SLIT2: variants seen among roughly 807,000 people sequenced by gnomAD.
SLIT2 encodes slit guidance ligand 2.
In SLIT2, 41 loss-of-function variants were observed where a neutral mutation model predicts 185.7. That is an observed-to-expected ratio of 0.22 (90% CI 0.17 to 0.29). The LOEUF is 0.29. Ranked by LOEUF, SLIT2 falls within the 10% of genes least tolerant of loss-of-function variation. The pLI is 1.00. For missense variants in SLIT2, 1,571 were observed against 1,909.0 expected (o/e 0.82, Z 3.30); for synonymous variants, 693 against 680.2 (o/e 1.02, Z -0.29).
At chr4:20,581,304 CT>C (rs1440975773) in intron 29 of SLIT2, among the ~76,000 whole-genome samples, 1 of 152,142 alleles carries the variant, frequency 6.6e-6, no homozygotes, top group East Asian at 1.9e-4. Flanking sequence ...GGATTAGGGC[CT>C]ATCCTAATGA....
chr4:20,403,682 T>C (rs1332652829), intron 4 of SLIT2, among the ~76,000 whole-genome samples: 2 of 151,986 alleles, frequency 1.3e-5, no homozygotes, highest in African/African-American at 4.8e-5. Context: ...AAGGAATGAC[T>C]CTATTAGGCA....
At chr4:20,346,909 C>T (rs1415495892) in intron 4 of SLIT2, among the ~76,000 whole-genome samples, 1 of 152,164 alleles carries the variant, frequency 6.6e-6, no homozygotes, top group Non-Finnish European at 1.5e-5. Flanking sequence ...CCTAGCCAAG[C>T]TGGCCCCTGA....
intron 28 of SLIT2, among the ~76,000 whole-genome samples, chr4:20,568,184 T>C (rs945088549): frequency 6.6e-6 from 1 of 152,106 alleles, no homozygotes; most frequent in Admixed American, 6.6e-5. Context: ...TAATGTCACA[T>C]AAGAATGCTA....
At chr4:20,294,340 C>T (rs1716261708) in intron 4 of SLIT2, among the ~76,000 whole-genome samples, 1 of 143,466 alleles carries the variant, frequency 7.0e-6, no homozygotes, top group Non-Finnish European at 1.5e-5. Flanking sequence ...CAGAGTGAGA[C>T]TCTGTCTCAA....
chr4:20,370,327 C>A (rs1017934600), intron 4 of SLIT2, among the ~76,000 whole-genome samples: 4 of 151,988 alleles, frequency 2.6e-5, no homozygotes, highest in African/African-American at 9.7e-5. Flanking sequence ...TATCTTTTTC[C>A]TTGTCTTTCT....
chr4:20,523,562 C>G (rs1040784829), intron 12 of SLIT2, among the ~76,000 whole-genome samples, 198 bp from the exon 13 acceptor site: 5 of 152,148 alleles, frequency 3.3e-5, no homozygotes, highest in African/African-American at 1.2e-4. Flanking sequence ...GATTTAGGTT[C>G]ATTTGATCAC....
chr4:20,567,534 T>C lies in SLIT2; in HGVS notation c.2867T>C (p.Val956Ala). The part of the protein sequence containing the change: ...PYGFKGQDCD[V>A]PIHACISNPC... ...CTTCTCCAGGGGCAGGACTGTGATG[T>C]CCCAATTCATGCCTGCATCAGTAAC... The change falls in exon 28 of 37, where the codon GTC becomes GCC. Residue 956 changes from valine to alanine, a missense_variant. By Grantham distance (64) the Val-to-Ala change is moderately conservative (BLOSUM62 0). This residue lies in a region of SLIT2 where 1,202 missense variants were observed against 1,416.4 expected (regional missense o/e 0.85). Coordinates refer to ENST00000504154, the MANE Select transcript of SLIT2 (RefSeq NM_004787.4). The C allele has an allele frequency of 6.2e-7, 1 of 1,613,260 alleles. No homozygotes were observed. Among genetic ancestry groups the C allele is most frequent in the Non-Finnish European group, 8.5e-7 (1 of 1,179,444 alleles).
intron 16 of SLIT2, among the ~76,000 whole-genome samples, chr4:20,530,864 G>A (rs1407672239): frequency 1.3e-5 from 2 of 151,116 alleles, no homozygotes; most frequent in Non-Finnish European, 2.9e-5. Flanking sequence ...ATATACAAAT[G>A]TCCAATAAAC....
chr4:20,605,711 ATATTT>A (rs376845737), intron 33 of SLIT2, among the ~76,000 whole-genome samples: 2,794 of 131,832 alleles, frequency 0.021, 72 homozygotes, highest in African/African-American at 0.07. Flanking sequence ...ATTTTATTTT[ATATTT>A]TATTTTATTT....
chr4:20,313,972 C>G (rs1029935232), intron 4 of SLIT2, among the ~76,000 whole-genome samples: 1 of 152,132 alleles, frequency 6.6e-6, no homozygotes, highest in Non-Finnish European at 1.5e-5. Flanking sequence ...TTTAAGGTTA[C>G]AAAGATAAAT....
At chr4:20,505,537 G>A (rs1261097862) in intron 9 of SLIT2, among the ~76,000 whole-genome samples, 1 of 152,028 alleles carries the variant, frequency 6.6e-6, no homozygotes, top group Non-Finnish European at 1.5e-5. Flanking sequence ...TGCTAATACT[G>A]TTTAATATCT....
At chr4:20,429,941 A>G (rs1158802624) in intron 4 of SLIT2, among the ~76,000 whole-genome samples, 1 of 152,216 alleles carries the variant, frequency 6.6e-6, no homozygotes. Flanking sequence ...TCAATCTATG[A>G]TGTTCTAAAT....
At chr4:20,466,023 C>A (rs191300108) in intron 4 of SLIT2, among the ~76,000 whole-genome samples, 2 of 150,914 alleles carry the variant, frequency 1.3e-5, no homozygotes, top group African/African-American at 4.9e-5. Context: ...ATGGAATTGG[C>A]GAAGACAGAA....
intron 29 of SLIT2, among the ~76,000 whole-genome samples, chr4:20,586,683 A>C (rs1486283100): frequency 2.0e-5 from 3 of 152,248 alleles, no homozygotes; most frequent in Non-Finnish European, 4.4e-5. Context: ...AAACAAATAT[A>C]TACCATGTAT....
intron 4 of SLIT2, among the ~76,000 whole-genome samples, chr4:20,360,370 A>G (rs2109291219): frequency 6.6e-6 from 1 of 152,270 alleles, no homozygotes; most frequent in South Asian, 2.1e-4. Flanking sequence ...GAACTTCTAA[A>G]TGGTTTCATG....
At position 20,315,650 on chromosome 4, in the gene SLIT2, A is replaced by G. The variant is rs79108342; in HGVS notation, c.395+46769A>G. Among the ~76,000 whole-genome samples, 590 of 152,202 alleles carry G rather than the reference A, an allele frequency of 3.9e-3. 5 individuals carry two copies. The highest frequency in any genetic ancestry group is 0.029 in the East Asian group (151 of 5,182). On this transcript the variant is annotated intron_variant, in intron 4 of 36. Transcript: ENST00000504154. ...ATAAAATTATCAGAAAGGAAAAAAC[A>G]TAAGAAAGTTAAAATTTCAAGCTGT... is the stretch of plus-strand genomic sequence containing the variant.
At chr4:20,365,875 T>C (rs1359331929) in intron 4 of SLIT2, among the ~76,000 whole-genome samples, 1 of 152,184 alleles carries the variant, frequency 6.6e-6, no homozygotes, top group Non-Finnish European at 1.5e-5. Flanking sequence ...TGGGATATCA[T>C]TTTTAACCTT....
intron 30 of SLIT2, among the ~76,000 whole-genome samples, chr4:20,592,367 A>G (rs911325742): frequency 6.6e-6 from 1 of 152,146 alleles, no homozygotes; most frequent in Non-Finnish European, 1.5e-5. Context: ...AGTGTATTTT[A>G]TATTCTTTGC....
chr4:20,598,505 G>T, intron 33 of SLIT2, 110 bp downstream of exon 33: 1 of 1,276,016 alleles, frequency 7.8e-7, no homozygotes, highest in Non-Finnish European at 1.1e-6. Flanking sequence ...GGCCCCAGCA[G>T]GTTTTAGGAT....
Sources: allele counts gnomAD v4.1 joint callset (sites outside exome capture counted in the v4.1 genomes callset), GRCh38; gene constraint gnomAD v4.1.1; regional missense constraint gnomAD v4.1.1; transcripts MANE v1.5; gene names NCBI Gene and HGNC (gene_info 2026-07-23, HGNC 2026-07-21).